Variants in KCNQ2 observed in about 807,000 individuals in gnomAD.
The protein encoded by KCNQ2 is potassium voltage-gated channel subfamily KQT member 2.
Under a neutral mutation model 84.8 loss-of-function variants are expected in KCNQ2, and 14 were observed. The ratio of observed to expected loss-of-function variants is 0.17; its 90% CI spans 0.11 to 0.26. The LOEUF is 0.26. Ranked by LOEUF, KCNQ2 falls within the 10% of genes least tolerant of loss-of-function variation. The probability of loss-of-function intolerance (pLI) is 1.00; values close to 1 mark genes in which losing one functional copy is unlikely to be tolerated. For synonymous variants in KCNQ2, 599 were observed against 554.1 expected (o/e 1.08, Z -1.14); for missense variants, 788 against 1,254.0 (o/e 0.63, Z 5.61).
At chr20:63,432,790 TCA>T (rs2080863843) in intron 8 of KCNQ2, among the ~76,000 whole-genome samples, 3 of 73,720 alleles carry the variant, frequency 4.1e-5, no homozygotes, top group Non-Finnish European at 7.0e-5. Flanking sequence ...GGCCCCACCC[TCA>T]GGGAAGGCCC....
chr20:63,434,227 G>T (rs2080920416), intron 7 of KCNQ2: 1 of 385,618 alleles, frequency 2.6e-6, no homozygotes, highest in East Asian at 4.5e-5. Context: ...CCCCTGGCGG[G>T]TATCACCTGT....
chr20:63,432,967 C>G (rs1034594873), intron 8 of KCNQ2, among the ~76,000 whole-genome samples: 1 of 152,182 alleles, frequency 6.6e-6, no homozygotes, highest in Non-Finnish European at 1.5e-5. Context: ...CTGGGAAGTC[C>G]CGGGGCTCAG....
intron 12 of KCNQ2, among the ~76,000 whole-genome samples, chr20:63,417,873 G>A (rs987877643): frequency 3.9e-5 from 6 of 152,298 alleles, no homozygotes; most frequent in South Asian, 2.1e-4. Context: ...CCCAGGGGCC[G>A]CCGGGACGCA....
intron 1 of KCNQ2, among the ~76,000 whole-genome samples, chr20:63,465,629 C>T (rs967764607): frequency 6.6e-6 from 1 of 152,230 alleles, no homozygotes; most frequent in African/African-American, 2.4e-5. Flanking sequence ...AGTTCCTCGG[C>T]GACAAGCTCA....
chr20:63,437,547 T>A (rs1235356033), intron 7 of KCNQ2: 1 of 152,230 alleles, frequency 6.6e-6, no homozygotes, highest in Non-Finnish European at 1.5e-5. Context: ...ACGTCTCCAG[T>A]CTCCGCCTTT....
At chr20:63,467,457 C>T (rs2082110375) in intron 1 of KCNQ2, among the ~76,000 whole-genome samples, 1 of 152,060 alleles carries the variant, frequency 6.6e-6, no homozygotes. Flanking sequence ...TGAGGCTAGC[C>T]TGGCTCCTCT....
chr20:63,437,871 G>A (rs570312777), intron 7 of KCNQ2, among the ~76,000 whole-genome samples: 5 of 152,254 alleles, frequency 3.3e-5, no homozygotes, highest in African/African-American at 7.2e-5. Context: ...GTGCTGTGGC[G>A]TGATCTCGGC....
In KCNQ2 at chr20:63,401,180, C is replaced by G. The variant is rs940378358; in HGVS notation, c.*5464G>C. The G allele has an allele frequency of 1.4e-4, 41 of 288,800 alleles. No individual in the cohort carries two copies. Among genetic ancestry groups the G allele is most frequent in the Non-Finnish European group, 2.4e-4 (37 of 156,256 alleles). The allele number at this position is 288,800 out of a possible 1,614,324, so 17.9% of individuals were successfully genotyped here. ...AGCACACTCAACTCCACCCCACAAACGCCTTTTAAAACTCTGAAGAGGCCC... is the reference window on the plus strand; with the variant it reads ...AGCACACTCAACTCCACCCCACAAAGGCCTTTTAAAACTCTGAAGAGGCCC... On this transcript the variant is annotated 3_prime_UTR_variant, in exon 17 of 17. Transcript: ENST00000359125.
chr20:63,443,382 TCAC>T (rs575444226), intron 4 of KCNQ2, among the ~76,000 whole-genome samples: 601 of 9,324 alleles, frequency 0.064, 21 homozygotes, highest in South Asian at 0.39. Flanking sequence ...ACCACCATCA[TCAC>T]CACCACCATC....
chr20:63,445,634 CTGGG>C, intron 2 of KCNQ2: 1 of 442,994 alleles, frequency 2.3e-6, no homozygotes, highest in Non-Finnish European at 4.1e-6. Context: ...GGGACTCTAT[CTGGG>C]CTAGGGGACC....
chr20:63,415,191 C>A lies in KCNQ2; in HGVS notation c.1302-65G>T, dbSNP rs1291362684. 5 of 1,419,122 alleles carry A rather than the reference C, an allele frequency of 3.5e-6. No individual in the cohort carries two copies. In the East Asian group the frequency reaches 9.4e-5, roughly 27 times the overall value. The allele number at this position is 1,419,122 out of a possible 1,614,324, so 87.9% of individuals were successfully genotyped here. A position where few individuals can be genotyped will look rare whatever the true frequency, so the allele number is the denominator to read the frequency against. Reference sequence around the variant, plus strand: ...GAGAGAAGTCACTCTGCAAAGAACACAGGCCGTGTCTGCTCATGGCCGACG... The same window carrying A: ...GAGAGAAGTCACTCTGCAAAGAACAAAGGCCGTGTCTGCTCATGGCCGACG... On this transcript the variant is annotated intron_variant, in intron 12 of 16. Transcript: ENST00000359125.
Position 63,402,906 on chromosome 20 carries a change from C to T in KCNQ2, c.*3738G>A, listed in dbSNP as rs1022220319. 1 of 152,322 alleles carries T rather than the reference C, an allele frequency of 6.6e-6. No homozygotes were observed. The highest frequency in any genetic ancestry group is 1.5e-5 in the Non-Finnish European group (1 of 68,110). 9.4% of individuals were successfully genotyped at this position (152,322 alleles called of 1,614,324 possible). A position where few individuals can be genotyped will look rare whatever the true frequency, so the allele number is the denominator to read the frequency against. On this transcript the variant is annotated 3_prime_UTR_variant, in exon 17 of 17. Transcript: ENST00000359125. ...GAGCCCTCCCCCAGCGTGTCCCAGCCGTGGTGGCAGCTGGAAGACTCACGG... is the reference window on the plus strand; with the variant it reads ...GAGCCCTCCCCCAGCGTGTCCCAGCTGTGGTGGCAGCTGGAAGACTCACGG...
intron 11 of KCNQ2, 31 bp from the exon 12 acceptor site, chr20:63,419,703 G>C (rs111711995): frequency 6.3e-7 from 1 of 1,595,272 alleles, no homozygotes; most frequent in Non-Finnish European, 8.5e-7. Context: ...GTTAGTCCTG[G>C]GCGCCGGCAA....
chr20:63,429,755 C>T (rs1256730209), intron 9 of KCNQ2, among the ~76,000 whole-genome samples: 1 of 152,206 alleles, frequency 6.6e-6, no homozygotes, highest in African/African-American at 2.4e-5. Context: ...CCACACTCCT[C>T]CCTCCAGAGC....
chr20:63,444,615 G>A (rs763919121), intron 4 of KCNQ2, 44 bp downstream of exon 4: 20 of 1,471,824 alleles, frequency 1.4e-5, no homozygotes, highest in Non-Finnish European at 1.5e-5. Context: ...CAGGACTCTC[G>A]CTGGCTGGGG....
intron 9 of KCNQ2, among the ~76,000 whole-genome samples, chr20:63,430,040 C>T (rs1325326742): frequency 1.3e-5 from 2 of 152,150 alleles, no homozygotes; most frequent in African/African-American, 4.8e-5. Flanking sequence ...GTCTGGGGGC[C>T]ACAGGTGGCT....
chr20:63,450,516 G>T, intron 1 of KCNQ2, among the ~76,000 whole-genome samples: 1 of 4,556 alleles, frequency 2.2e-4, no homozygotes, highest in Non-Finnish European at 5.1e-4. Flanking sequence ...TGGGGGCAGA[G>T]CCCCAGAAGA....
rs2080232370 is a variant in KCNQ2, at chr20:63,414,798, A to G, written c.1525+105T>C. On this transcript the variant is annotated intron_variant, in intron 13 of 16. Transcript: ENST00000359125. This position sits in a 1 kb window ranked among gnomAD's most constrained non-coding sequence, Gnocchi z 6.6. ...GAAAGGATAGGGGGTTCCCACTCCA[A>G]GAGCAAGCAAAAGCAGCTGCGACGC... 9.0e-7 allele frequency: 1 copy of G among 1,107,436 alleles called. No individual in the cohort carries two copies. The highest frequency in any genetic ancestry group is 1.4e-6 in the Non-Finnish European group (1 of 727,270). 68.6% of individuals were successfully genotyped at this position (1,107,436 alleles called of 1,614,324 possible). A position where few individuals can be genotyped will look rare whatever the true frequency, so the allele number is the denominator to read the frequency against.
At position 63,430,849 on chromosome 20, in the gene KCNQ2, G is replaced by A. The variant is rs551051525; in HGVS notation, c.1148+491C>T. Among the ~76,000 whole-genome samples the A allele has an allele frequency of 2.1e-3, 321 of 152,332 alleles. 2 individuals carry two copies. Among genetic ancestry groups the A allele is most frequent in the Non-Finnish European group, 2.8e-3 (188 of 68,016 alleles). ...AGAGGCTGCCCTGTGAGCCACGGTG[G>A]GACAAGGACTGTGGCTGGTCTGGGG... On this transcript the variant is annotated intron_variant, in intron 9 of 16. Coordinates refer to ENST00000359125, the MANE Select transcript of KCNQ2 (RefSeq NM_172107.4).
Sources: allele counts gnomAD v4.1 joint callset (sites outside exome capture counted in the v4.1 genomes callset), GRCh38; gene constraint gnomAD v4.1.1; non-coding constraint Gnocchi (gnomAD v3.1); transcripts MANE v1.5; gene names NCBI Gene and HGNC (gene_info 2026-07-23, HGNC 2026-07-21).